LRRC4C: variants seen among roughly 807,000 people sequenced by gnomAD.
LRRC4C encodes leucine rich repeat containing 4C, also known as leucine-rich repeat-containing protein 4C.
In LRRC4C, 5 loss-of-function variants were observed where a neutral mutation model predicts 33.6. The ratio of observed to expected loss-of-function variants is 0.15; its 90% CI spans 0.08 to 0.31. The LOEUF is 0.31. LRRC4C is among the 10% of genes least tolerant of loss of function. The pLI is 1.00. For synonymous variants in LRRC4C, 329 were observed against 302.0 expected, an observed-to-expected ratio of 1.09 and a Z score of -0.93; for missense variants, 560 against 796.7, an observed-to-expected ratio of 0.70 and a Z score of 3.58.
intron 2 of LRRC4C, among the ~76,000 whole-genome samples, chr11:40,767,460 A>G (rs1006884535): frequency 6.6e-6 from 1 of 152,102 alleles, no homozygotes; most frequent in African/African-American, 2.4e-5. Context: ...AATCTGCACT[A>G]TAGACCAAAT....
chr11:40,266,873 G>A (rs894348102), intron 4 of LRRC4C, among the ~76,000 whole-genome samples: 1 of 152,000 alleles, frequency 6.6e-6, no homozygotes, highest in African/African-American at 2.4e-5. Context: ...GCCTCACACT[G>A]GTTGACATAA....
At chr11:40,406,111 T>C (rs1949954850) in intron 3 of LRRC4C, among the ~76,000 whole-genome samples, 2 of 152,128 alleles carry the variant, frequency 1.3e-5, no homozygotes, top group African/African-American at 4.8e-5. Context: ...TTTATTCAAA[T>C]AGCCTCTATA....
At chr11:40,465,879 A>C (rs1260358996) in intron 3 of LRRC4C, among the ~76,000 whole-genome samples, 1 of 152,064 alleles carries the variant, frequency 6.6e-6, no homozygotes, top group African/African-American at 2.4e-5. Context: ...TTCTCAAAGA[A>C]TTAAAAAATG....
intron 3 of LRRC4C, among the ~76,000 whole-genome samples, chr11:40,608,076 T>C (rs1457832823): frequency 6.6e-6 from 1 of 152,216 alleles, no homozygotes; most frequent in Non-Finnish European, 1.5e-5. Flanking sequence ...AGCTTTCTTA[T>C]AATTTAAATA....
chr11:41,098,543 C>A (rs1348994923), intron 1 of LRRC4C, among the ~76,000 whole-genome samples: 5 of 152,046 alleles, frequency 3.3e-5, no homozygotes, highest in African/African-American at 9.7e-5. Context: ...AGTAAACATT[C>A]CAGAATAAAA....
chr11:40,772,183 A>G (rs928414362), intron 2 of LRRC4C, among the ~76,000 whole-genome samples: 8 of 152,172 alleles, frequency 5.3e-5, no homozygotes, highest in African/African-American at 1.9e-4. Flanking sequence ...ACTTACAATC[A>G]TGATGGAAGG....
In LRRC4C at chr11:40,571,020, C is replaced by T. The variant is rs1172401619; in HGVS notation, c.-270+77122G>A. Among the ~76,000 whole-genome samples the T allele has an allele frequency of 2.0e-5, 3 of 152,100 alleles. No homozygotes were observed. The East Asian group carries it at 5.8e-4, about 29-fold the overall frequency. On this transcript the variant is annotated intron_variant, in intron 3 of 6. Coordinates refer to ENST00000528697, the MANE Select transcript of LRRC4C (RefSeq NM_001258419.2). Reference sequence around the variant, plus strand: ...ATGCAAAACTATATCATGAAACTATCAATATAAGTTCTGAGGCACTGTATG... The same window carrying T: ...ATGCAAAACTATATCATGAAACTATTAATATAAGTTCTGAGGCACTGTATG...
intron 1 of LRRC4C, among the ~76,000 whole-genome samples, chr11:41,351,194 G>A (rs887248035): frequency 6.6e-6 from 1 of 151,762 alleles, no homozygotes; most frequent in African/African-American, 2.4e-5. Flanking sequence ...GTATGATCAT[G>A]CCACTGCACT....
intron 3 of LRRC4C, among the ~76,000 whole-genome samples, chr11:40,554,388 T>C (rs1392398200): frequency 6.6e-6 from 1 of 152,190 alleles, no homozygotes; most frequent in East Asian, 1.9e-4. Flanking sequence ...TGAAATTGGG[T>C]AATATAATGT....
chr11:40,515,855 G>A (rs1294409849), intron 3 of LRRC4C, among the ~76,000 whole-genome samples: 1 of 151,960 alleles, frequency 6.6e-6, no homozygotes, highest in South Asian at 2.1e-4. Flanking sequence ...GATATATAAA[G>A]AATGTACTTT....
chr11:40,444,549 A>G (rs922769118), intron 3 of LRRC4C, among the ~76,000 whole-genome samples: 3 of 152,024 alleles, frequency 2.0e-5, no homozygotes, highest in African/African-American at 7.2e-5. Context: ...ATAATGAAAC[A>G]AAATCATATT....
chr11:40,644,565 C>T, intron 3 of LRRC4C, among the ~76,000 whole-genome samples: 1 of 152,152 alleles, frequency 6.6e-6, no homozygotes, highest in East Asian at 1.9e-4. Context: ...GTGGTATATG[C>T]TTACCAAGAA....
chr11:40,442,998 T>C (rs1260002961), intron 3 of LRRC4C, among the ~76,000 whole-genome samples: 1 of 152,162 alleles, frequency 6.6e-6, no homozygotes, highest in Non-Finnish European at 1.5e-5. Flanking sequence ...AACTCTAATA[T>C]ATAATTCCTA....
At chr11:41,379,231 G>A (rs994079990) in intron 1 of LRRC4C, among the ~76,000 whole-genome samples, 1 of 152,096 alleles carries the variant, frequency 6.6e-6, no homozygotes, top group East Asian at 1.9e-4. Flanking sequence ...CCTGCATATG[G>A]TTCAAAACAT....
intron 1 of LRRC4C, among the ~76,000 whole-genome samples, chr11:41,070,693 T>C (rs569543942): frequency 7.2e-5 from 11 of 152,172 alleles, no homozygotes; most frequent in African/African-American, 2.6e-4. Context: ...ATTAGAGAAA[T>C]GCACATCAAA....
At chr11:40,602,554 G>A (rs1960130624) in intron 3 of LRRC4C, among the ~76,000 whole-genome samples, 1 of 151,804 alleles carries the variant, frequency 6.6e-6, no homozygotes, top group Admixed American at 6.6e-5. Context: ...ATGAAAAAAA[G>A]GCAAGAGATT....
chr11:41,203,692 C>G (rs1223904466), intron 1 of LRRC4C, among the ~76,000 whole-genome samples: 1 of 152,108 alleles, frequency 6.6e-6, no homozygotes, highest in African/African-American at 2.4e-5. Context: ...CTCTCTGTGC[C>G]TCAGTTTTGT....
chr11:41,047,545 T>C (rs1381577), intron 1 of LRRC4C, among the ~76,000 whole-genome samples: 63,506 of 151,828 alleles, frequency 0.42, 13,728 homozygotes, highest in East Asian at 0.54. Flanking sequence ...AAATGGTGAG[T>C]GTTATGCTAG....
At chr11:40,971,068 G>A (rs186853998) in intron 1 of LRRC4C, among the ~76,000 whole-genome samples, 2,211 of 152,302 alleles carry the variant, frequency 0.015, 55 homozygotes, top group African/African-American at 0.051. Flanking sequence ...AAAATTTGCA[G>A]CCTGGCCATG....
Sources: gnomAD v4.1 joint callset for allele counts (sites outside exome capture counted in the v4.1 genomes callset) on GRCh38, gnomAD v4.1.1 for gene constraint, MANE v1.5 for transcripts, NCBI Gene and HGNC (gene_info 2026-07-23, HGNC 2026-07-21) for gene names.